Variants in RET observed in about 807,000 individuals in gnomAD.
RET encodes ret proto-oncogene, also known as proto-oncogene tyrosine-protein kinase receptor Ret.
RET carries 19 observed loss-of-function variants against 118.3 expected under a neutral mutation model. The observed-to-expected ratio is 0.16, with a 90% CI of 0.11 to 0.24. The LOEUF (loss-of-function observed/expected upper bound fraction) is 0.24. Among genes scored for constraint, RET ranks in the 10% least tolerant of loss-of-function variants. RET has a pLI of 1.00. For missense variants in RET, 1,219 were observed against 1,502.1 expected (o/e 0.81, Z 3.12); for synonymous variants, 597 against 644.1 (o/e 0.93, Z 1.11).
chr10:43,108,107 A>C (rs1437467970), intron 5 of RET, among the ~76,000 whole-genome samples: 1 of 151,800 alleles, frequency 6.6e-6, no homozygotes, highest in Non-Finnish European at 1.5e-5. Flanking sequence ...CACTTTAGGG[A>C]GACCGAGGCG....
chr10:43,109,805 G>GATGAGGC (rs1016836655), intron 6 of RET, among the ~76,000 whole-genome samples: 40 of 152,354 alleles, frequency 2.6e-4, no homozygotes, highest in African/African-American at 8.7e-4. Context: ...CATTAAAGAA[G>GATGAGGC]ATGAGGCATG....
intron 1 of RET, among the ~76,000 whole-genome samples, chr10:43,091,037 A>G (rs886716587): frequency 2.0e-5 from 3 of 151,938 alleles, no homozygotes; most frequent in Non-Finnish European, 2.9e-5. Flanking sequence ...GATGGGGCCA[A>G]AAATTTCATG....
intron 4 of RET, among the ~76,000 whole-genome samples, chr10:43,105,643 A>G (rs556065676): frequency 3.8e-4 from 58 of 152,240 alleles, no homozygotes; most frequent in Admixed American, 3.4e-3. Flanking sequence ...GCGCTGGTGG[A>G]GCGCGACCGC....
intron 15 of RET, 129 bp downstream of exon 15, chr10:43,120,332 C>A: frequency 7.6e-7 from 1 of 1,318,882 alleles, no homozygotes; most frequent in Non-Finnish European, 1.0e-6. Context: ...ATAGCCCTCA[C>A]CCCAAATCTT....
In RET at chr10:43,114,742, G is replaced by T. The variant is rs1387795939; in HGVS notation, c.2136+6G>T. The T allele has an allele frequency of 6.2e-7, 1 of 1,605,920 alleles. No individual in the cohort carries two copies. The highest frequency in any genetic ancestry group is 1.3e-5 in the African/African-American group (1 of 74,896). Reference sequence around the variant, plus strand: ...TGGATGCCTTCAAGATCCTGGTGAGGGTCCCTGCGGGGCAGGGAAGATCCC... The same window carrying T: ...TGGATGCCTTCAAGATCCTGGTGAGTGTCCCTGCGGGGCAGGGAAGATCCC... On this transcript the variant is annotated splice_donor_region_variant and intron_variant, in intron 11 of 19. Coordinates refer to ENST00000355710, the MANE Select transcript of RET (RefSeq NM_020975.6). The surrounding 1 kb of genome is among the most constrained non-coding windows in gnomAD (Gnocchi z 4.6).
At chr10:43,095,198 G>A (rs1301848942) in intron 1 of RET, among the ~76,000 whole-genome samples, 1 of 152,136 alleles carries the variant, frequency 6.6e-6, no homozygotes, top group Non-Finnish European at 1.5e-5. Flanking sequence ...CTGAGGCTGG[G>A]GGCTGCAGGA....
At chr10:43,104,177 C>T (rs1043828229) in intron 3 of RET, among the ~76,000 whole-genome samples, 7 of 151,984 alleles carry the variant, frequency 4.6e-5, no homozygotes, top group African/African-American at 1.7e-4. Flanking sequence ...AATCATTATG[C>T]GTTAATGTCA....
intron 13 of RET, 27 bp from the exon 14 acceptor site, chr10:43,119,504 C>G: frequency 6.4e-7 from 1 of 1,574,786 alleles, no homozygotes; most frequent in Non-Finnish European, 8.6e-7. Flanking sequence ...GACCCGCACG[C>G]CCAGGGCCCC....
chr10:43,105,190 G>T lies in RET; in HGVS notation c.864G>T (p.Lys288Asn). ...TASAVVEFKR[K>N]EDTVVATLRV... ...GCGCCGTGGTGGAGTTCAAGCGGAAGGAGGTGCTTGTCCGCGCGTGCTGTG... is the reference window on the plus strand; with the variant it reads ...GCGCCGTGGTGGAGTTCAAGCGGAATGAGGTGCTTGTCCGCGCGTGCTGTG... The change falls in exon 4 of 20, where the codon AAG (lysine) becomes AAT (asparagine). Residue 288 changes from lysine (K) to asparagine (N), a missense_variant. Coordinates refer to ENST00000355710, the MANE Select transcript of RET (RefSeq NM_020975.6). 1 of 1,612,838 alleles carries T rather than the reference G, an allele frequency of 6.2e-7. No individual in the cohort carries two copies.
In RET at chr10:43,102,976, G is replaced by C. The variant is rs528087047; in HGVS notation, c.625+347G>C. 2.7e-4 allele frequency: 111 copies of C among 404,476 alleles called. 1 individual carries two copies. Among genetic ancestry groups the C allele is most frequent in the African/African-American group, 2.1e-3 (102 of 49,004 alleles). The allele number at this position is 404,476 out of a possible 1,614,324, so 25.1% of individuals were successfully genotyped here. ...CGCTGAAGAGGAGGGGAACAGACGAGGAGACCTCCATTCCTCTATCGTAAA... is the reference window on the plus strand; with the variant it reads ...CGCTGAAGAGGAGGGGAACAGACGACGAGACCTCCATTCCTCTATCGTAAA... On this transcript the variant is annotated intron_variant, in intron 3 of 19. Transcript: ENST00000355710.
At position 43,121,841 on chromosome 10, in the gene RET, C is replaced by T. The variant is rs530085211; in HGVS notation, c.2731-105C>T. On this transcript the variant is annotated intron_variant, in intron 15 of 19. Transcript: ENST00000355710. ...TGTGCCCAGGAGTGTCTACAGCACTCCTCTGGTTACTGAAAGCTCAGGGAT... is the reference window on the plus strand; with the variant it reads ...TGTGCCCAGGAGTGTCTACAGCACTTCTCTGGTTACTGAAAGCTCAGGGAT... 44 of 844,956 alleles carry T rather than the reference C, an allele frequency of 5.2e-5. 1 individual carries two copies. The South Asian group carries it at 5.6e-4, about 11-fold the overall frequency. The allele number at this position is 844,956 out of a possible 1,614,324, so 52.3% of individuals were successfully genotyped here. A position where few individuals can be genotyped will look rare whatever the true frequency, so the allele number is the denominator to read the frequency against.
At chr10:43,088,564 T>C (rs1837345480) in intron 1 of RET, among the ~76,000 whole-genome samples, 1 of 152,054 alleles carries the variant, frequency 6.6e-6, no homozygotes, top group African/African-American at 2.4e-5. Flanking sequence ...CCATCTTCTG[T>C]GAGCATTTGC....
chr10:43,082,558 C>T (rs1323362799), intron 1 of RET, among the ~76,000 whole-genome samples: 1 of 152,098 alleles, frequency 6.6e-6, no homozygotes, highest in Non-Finnish European at 1.5e-5. Flanking sequence ...TTCTAGACCC[C>T]CTCCCAGATT....
At chr10:43,127,426 G>A (rs781353017) in intron 19 of RET, 15 of 1,057,680 alleles carry the variant, frequency 1.4e-5, no homozygotes, top group Non-Finnish European at 1.6e-5. Context: ...GGTCTGTGGT[G>A]CTGTGGTCTT....
intron 1 of RET, among the ~76,000 whole-genome samples, chr10:43,095,055 C>T (rs1160380509): frequency 1.3e-5 from 2 of 152,098 alleles, no homozygotes; most frequent in African/African-American, 4.8e-5. Context: ...GTGGGGCACC[C>T]TCAGCTGCAG....
At chr10:43,125,546 G>A (rs989424350) in intron 18 of RET, among the ~76,000 whole-genome samples, 1 of 152,182 alleles carries the variant, frequency 6.6e-6, no homozygotes, top group African/African-American at 2.4e-5. Context: ...AGAGCCGAAC[G>A]CAGGCCAAAC....
chr10:43,100,542 G>A lies in RET; in HGVS notation c.157G>A (p.Val53Ile), dbSNP rs547308774. Residue 53 changes from valine (V) to isoleucine (I), a missense_variant, in exon 2 of 20, where the codon GTC becomes ATC. Around this residue, in one of 5 missense-constraint regions of RET, gnomAD observed 84 missense variants for 163.6 expected, o/e 0.51. Coordinates refer to ENST00000355710, the MANE Select transcript of RET (RefSeq NM_020975.6). ...DQAAGTPLLY[V>I]HALRDAPEEV... ...GGCAGCCGGCACGCCCTTGCTGTACGTCCATGCCCTGCGGGACGCCCCTGA... is the reference window on the plus strand; with the variant it reads ...GGCAGCCGGCACGCCCTTGCTGTACATCCATGCCCTGCGGGACGCCCCTGA... 28 of 1,613,870 alleles carry A rather than the reference G, an allele frequency of 1.7e-5. No homozygotes were observed. The highest frequency in any genetic ancestry group is 2.2e-5 in the Non-Finnish European group (26 of 1,180,030).
chr10:43,126,369 G>T (rs540877884), intron 18 of RET, among the ~76,000 whole-genome samples: 1 of 152,338 alleles, frequency 6.6e-6, no homozygotes, highest in South Asian at 2.1e-4. Context: ...ACCCAGGGGA[G>T]TGATGGGGAC....
Position 43,118,498 on chromosome 10 carries a change from G to A in RET, c.2392+18G>A, listed in dbSNP as rs988221303. On this transcript the variant is annotated intron_variant, in intron 13 of 19. Coordinates refer to ENST00000355710, the MANE Select transcript of RET (RefSeq NM_020975.6). ...CCAGGATGGTAAGGCCAGCTGCAGG[G>A]TGAGGTGGGCAGCCACTGCACCCAG... is the stretch of plus-strand genomic sequence containing the variant. 4 of 1,593,384 alleles carry A rather than the reference G, an allele frequency of 2.5e-6. No homozygotes were observed. The highest frequency in any genetic ancestry group is 1.3e-5 in the African/African-American group (1 of 74,646).
Sources: gnomAD v4.1 joint callset for allele counts (sites outside exome capture counted in the v4.1 genomes callset) on GRCh38, gnomAD v4.1.1 for gene constraint, gnomAD v4.1.1 regional missense constraint, Gnocchi (gnomAD v3.1) non-coding constraint, MANE v1.5 for transcripts, NCBI Gene and HGNC (gene_info 2026-07-23, HGNC 2026-07-21) for gene names.